Variants in ZIM3 observed in about 807,000 individuals in gnomAD.
ZIM3 encodes the protein zinc finger protein 657.
A neutral mutation model predicts 12.9 loss-of-function variants in ZIM3; 11 were observed. The observed-to-expected ratio is 0.85, with a 90% CI of 0.54 to 1.41. The LOEUF (loss-of-function observed/expected upper bound fraction) is 1.41. Ranked by LOEUF, ZIM3 falls within the 40% of genes most tolerant of loss-of-function variation. The pLI, the probability that ZIM3 is intolerant of heterozygous loss-of-function variation, is 0.00. For synonymous variants in ZIM3, 205 were observed against 198.5 expected (o/e 1.03, Z -0.28); for missense variants, 604 against 557.2 (o/e 1.08, Z -0.85).
Position 57,135,271 on chromosome 19 carries a change from T to C in ZIM3, c.1066A>G (p.Ile356Val). ...TCATAAGCTCTCTTCCCAGTGTGAA[T>C]TTTCTCATGATCGATGACATTGGAT... ...QKSNVIDHEKIHTGKRAYECD... is the reference protein window; with the variant it reads ...QKSNVIDHEKVHTGKRAYECD... Residue 356 changes from isoleucine to valine, a missense_variant, in exon 5 of 5, where the codon ATT becomes GTT. Physicochemically the swap from Ile to Val is conservative, Grantham distance 29 (BLOSUM62 3). Transcript: ENST00000269834. 3.1e-6 allele frequency: 5 copies of C among 1,614,152 alleles called. No homozygotes were observed. The highest frequency in any genetic ancestry group is 4.2e-6 in the Non-Finnish European group (5 of 1,180,030).
intron 2 of ZIM3, among the ~76,000 whole-genome samples, chr19:57,139,897 G>A (rs1441034811): frequency 1.3e-5 from 2 of 152,092 alleles, no homozygotes; most frequent in African/African-American, 4.8e-5. Context: ...ACCTGTTACA[G>A]GGGCCAGCGT....
intron 2 of ZIM3, 140 bp downstream of exon 2, chr19:57,142,487 TAG>T: frequency 1.2e-6 from 1 of 847,688 alleles, no homozygotes; most frequent in Non-Finnish European, 1.9e-6. Context: ...AAGCAGAAAG[TAG>T]AGTGTGTGTT....
chr19:57,141,398 CAAAAAAAAA>C (rs66633580), intron 2 of ZIM3, among the ~76,000 whole-genome samples: 1 of 105,466 alleles, frequency 9.5e-6, no homozygotes. Context: ...GAGACTGTCT[CAAAAAAAAA>C]AAAAAAAAAA....
At chr19:57,137,718 A>G (rs1166226082) in intron 3 of ZIM3, among the ~76,000 whole-genome samples, 2 of 147,574 alleles carry the variant, frequency 1.4e-5, no homozygotes, top group Non-Finnish European at 2.9e-5. Flanking sequence ...CTCCAAAAAA[A>G]AAAAATACTA....
At position 57,138,573 on chromosome 19, in the gene ZIM3, G is replaced by A; in HGVS notation, c.41C>T (p.Thr14Ile). 1 of 1,614,174 alleles carries A rather than the reference G, an allele frequency of 6.2e-7. No homozygotes were observed. The highest frequency in any genetic ancestry group is 8.5e-7 in the Non-Finnish European group (1 of 1,180,028). The part of the protein sequence containing the change: ...SQGRVTFEDV[T>I]VNFTQGEWQR... ...CCACTCCCCCTGGGTGAAGTTCACAGTGACATCCTCGAAGGTCACTCTTCC... is the reference window on the plus strand; with the variant it reads ...CCACTCCCCCTGGGTGAAGTTCACAATGACATCCTCGAAGGTCACTCTTCC... The change falls in exon 3 of 5, where the codon ACT becomes ATT. Residue 14 changes from threonine to isoleucine, a missense_variant. Thr to Ile is a moderately conservative substitution (Grantham distance 89). Coordinates refer to ENST00000269834, the MANE Select transcript of ZIM3 (RefSeq NM_052882.1).
rs753383867 is a variant in ZIM3 at position 57,135,324 on chromosome 19, C to T, written c.1013G>A (p.Ser338Asn). The change falls in exon 5 of 5, where the codon AGC becomes AAC. Residue 338 changes from serine (S) to asparagine (N), a missense_variant. Coordinates refer to ENST00000269834, the MANE Select transcript of ZIM3 (RefSeq NM_052882.1). ...IHTGEKPYKCSICEKAFSQKS... is the reference protein window; with the variant it reads ...IHTGEKPYKCNICEKAFSQKS... The stretch of plus-strand genomic sequence containing the variant: ...CTGGGAAAAGGCCTTCTCACATATG[C>T]TACATTTATAGGGTTTCTCTCCCGT... 6.2e-7 allele frequency: 1 copy of T among 1,614,080 alleles called. No individual in the cohort carries two copies. Among genetic ancestry groups the T allele is most frequent in the Non-Finnish European group, 8.5e-7 (1 of 1,180,026 alleles).
At chr19:57,136,801 G>A (rs937084030) in intron 4 of ZIM3, 72 bp downstream of exon 4, 14 of 1,343,694 alleles carry the variant, frequency 1.0e-5, no homozygotes, top group Middle Eastern at 4.0e-4. Flanking sequence ...GCTGCCAAAC[G>A]ACTTCCTCAT....
chr19:57,136,328 G>A (rs895833190), intron 4 of ZIM3, among the ~76,000 whole-genome samples: 1 of 152,094 alleles, frequency 6.6e-6, no homozygotes. Flanking sequence ...ACAGGGAGCA[G>A]GTGAGAGCCT....
chr19:57,136,787 G>T, intron 4 of ZIM3, 86 bp downstream of exon 4: 1 of 1,141,326 alleles, frequency 8.8e-7, no homozygotes, highest in Non-Finnish European at 1.3e-6. Context: ...GGAAGTCACA[G>T]CTGGCTGCCA....
At chr19:57,140,050 A>G (rs1163168242) in intron 2 of ZIM3, among the ~76,000 whole-genome samples, 1 of 152,224 alleles carries the variant, frequency 6.6e-6, no homozygotes, top group Non-Finnish European at 1.5e-5. Flanking sequence ...TGTAAAGCGA[A>G]TTCCTTTGTC....
At position 57,136,948 on chromosome 19, in the gene ZIM3, C is replaced by T. The variant is rs754629267; in HGVS notation, c.166G>A (p.Asp56Asn). Residue 56 changes from aspartate to asparagine, a missense_variant, in exon 4 of 5, where the codon GAT becomes AAT. Asp to Asn is a conservative substitution (Grantham distance 23). Transcript: ENST00000269834. ...SVGQGETTKP[D>N]VILRLEQGKE... ...CCTTGTTCCAACCTCAAGATCACAT[C>T]GGGTTTGGTGGTTTCCCCTTGTCCT... 6 of 1,614,070 alleles carry T rather than the reference C, an allele frequency of 3.7e-6. No individual in the cohort carries two copies. The highest frequency in any genetic ancestry group is 2.7e-5 in the African/African-American group (2 of 74,928).
Position 57,135,738 on chromosome 19 carries a change from C to A in ZIM3, c.599G>T (p.Cys200Phe), listed in dbSNP as rs149938645. ...ACQKPFECHS[C>F]GRAFGEKWKL... ...CCACTTCTCCCCGAATGCTCTTCCA[C>A]AGCTATGACATTCAAAGGGTTTTTG... Residue 200 changes from cysteine to phenylalanine, a missense_variant, in exon 5 of 5, where the codon TGT becomes TTT. Transcript: ENST00000269834. 1.2e-6 allele frequency: 2 copies of A among 1,613,892 alleles called. No individual in the cohort carries two copies. The highest frequency in any genetic ancestry group is 1.3e-5 in the African/African-American group (1 of 74,876).
Position 57,136,589 on chromosome 19 carries a change from G to C in ZIM3, c.241+284C>G, listed in dbSNP as rs143777789. On this transcript the variant is annotated intron_variant, in intron 4 of 4. Transcript: ENST00000269834. ...TGAGGCAGGAGAATCGTTCGAACTC[G>C]GGAGGCGGAGGTTGCAGTGAGCCCA... is the stretch of plus-strand genomic sequence containing the variant. Among the ~76,000 whole-genome samples the C allele has an allele frequency of 6.6e-3, 993 of 151,480 alleles. 10 individuals carry two copies. The highest frequency in any genetic ancestry group is 0.022 in the African/African-American group (917 of 41,260).
chr19:57,142,422 T>A (rs754252539), intron 2 of ZIM3, among the ~76,000 whole-genome samples: 2 of 151,956 alleles, frequency 1.3e-5, no homozygotes, highest in Non-Finnish European at 2.9e-5. Context: ...ATTACAGGTG[T>A]GAGCCACCAT....
rs751876956 is a variant in ZIM3, at chr19:57,138,527, C to T, written c.87G>A (p.Gln29=). 1.9e-6 allele frequency: 3 copies of T among 1,614,132 alleles called. No individual in the cohort carries two copies. In the South Asian group the frequency reaches 3.3e-5, roughly 18 times the overall value. Residue 29 remains glutamine (Q), a synonymous_variant, in exon 3 of 5, where the codon CAG becomes CAA. Coordinates refer to ENST00000269834, the MANE Select transcript of ZIM3 (RefSeq NM_052882.1). ...QGEWQRLNPE[Q]RNLYRDVMLE... The stretch of plus-strand genomic sequence containing the variant: ...GCATCACATCCCTGTACAAGTTTCT[C>T]TGTTCGGGATTCAGCCGCTGCCACT...
intron 2 of ZIM3, 149 bp from the exon 3 acceptor site, chr19:57,138,747 C>T (rs2086901227): frequency 1.9e-6 from 2 of 1,052,884 alleles, no homozygotes; most frequent in South Asian, 3.2e-5. Context: ...GAGGATCTTG[C>T]CAATGAGCCA....
intron 2 of ZIM3, among the ~76,000 whole-genome samples, chr19:57,141,157 G>A (rs574140741): frequency 1.3e-5 from 2 of 152,264 alleles, no homozygotes; most frequent in South Asian, 2.1e-4. Context: ...AACTTTGGGA[G>A]GCTGAGGCGG....
In ZIM3 at chr19:57,142,489, G is replaced by C. The variant is rs147184420; in HGVS notation, c.15+140C>G. 13 of 855,336 alleles carry C rather than the reference G, an allele frequency of 1.5e-5. No homozygotes were observed. The East Asian group carries it at 3.1e-4, about 20-fold the overall frequency. 53.0% of individuals were successfully genotyped at this position (855,336 alleles called of 1,614,324 possible). A position where few individuals can be genotyped will look rare whatever the true frequency, so the allele number is the denominator to read the frequency against. Reference sequence around the variant, plus strand: ...AGCTTTAATAGGAAAGCAGAAAGTAGAGTGTGTGTTACCTTTTAATAGAAG... The same window carrying C: ...AGCTTTAATAGGAAAGCAGAAAGTACAGTGTGTGTTACCTTTTAATAGAAG... On this transcript the variant is annotated intron_variant, in intron 2 of 4. Transcript: ENST00000269834.
rs2086884842 is a variant in ZIM3 at position 57,135,940 on chromosome 19, C to G, written c.397G>C (p.Asp133His). ...SKKILPLGID[D>H]VSSLQHYVQN... ...ACATAGTGTTGCAAGGAAGATACAT[C>G]ATCTATGCCCAGTGGAAGTATTTTC... Residue 133 changes from aspartate to histidine, a missense_variant, in exon 5 of 5, where the codon GAT becomes CAT. Transcript: ENST00000269834. 2 of 1,614,044 alleles carry G rather than the reference C, an allele frequency of 1.2e-6. No individual in the cohort carries two copies. Among genetic ancestry groups the G allele is most frequent in the South Asian group, 2.2e-5 (2 of 91,082 alleles).
Sources: gnomAD v4.1 joint callset for allele counts (sites outside exome capture counted in the v4.1 genomes callset) on GRCh38, gnomAD v4.1.1 for gene constraint, MANE v1.5 for transcripts, NCBI Gene and HGNC (gene_info 2026-07-23, HGNC 2026-07-21) for gene names.